Variants in DCX observed in about 807,000 individuals in gnomAD.
The protein encoded by DCX is neuronal migration protein doublecortin.
In DCX, 4 loss-of-function variants were observed where a neutral mutation model predicts 20.9. The observed-to-expected ratio is 0.19, with a 90% CI of 0.09 to 0.44. The LOEUF (loss-of-function observed/expected upper bound fraction) is 0.44. DCX is among the 20% of genes least tolerant of loss of function. DCX has a pLI of 0.99. For synonymous variants in DCX, 103 were observed against 111.4 expected (o/e 0.92, Z 0.47); for missense variants, 133 against 296.9 (o/e 0.45, Z 4.06).
intron 1 of DCX, chrX:111,410,873 C>T: frequency 8.3e-7 from 1 of 1,211,167 alleles, no homozygotes; most frequent in Non-Finnish European, 1.1e-6. Flanking sequence ...GACAAAATTC[C>T]CCTTGAAGAG....
intron 3 of DCX, among the ~76,000 whole-genome samples, chrX:111,385,176 T>C (rs1926291059): frequency 8.9e-6 from 1 of 112,424 alleles, no homozygotes; most frequent in South Asian, 3.7e-4. Context: ...GCCAATTTCA[T>C]AAAATAAATC....
At chrX:111,389,921 T>G (rs757974502) in intron 3 of DCX, among the ~76,000 whole-genome samples, 1 of 111,539 alleles carries the variant, frequency 9.0e-6, no homozygotes, top group South Asian at 3.8e-4. Context: ...TAATTATGAG[T>G]TGCCATTCCC....
intron 3 of DCX, among the ~76,000 whole-genome samples, chrX:111,363,921 C>T (rs550432161): frequency 3.6e-5 from 4 of 111,789 alleles, no homozygotes; most frequent in Admixed American, 9.5e-5. Flanking sequence ...CAGGTTCACA[C>T]GCTGCCTTTC....
chrX:111,393,679 AACAG>A, intron 3 of DCX, among the ~76,000 whole-genome samples: 1 of 111,727 alleles, frequency 9.0e-6, no homozygotes, highest in Non-Finnish European at 1.9e-5. Flanking sequence ...AAATGATCTG[AACAG>A]ACATTTTTCC....
intron 5 of DCX, among the ~76,000 whole-genome samples, chrX:111,328,501 G>A (rs897584759): frequency 1.8e-5 from 2 of 111,682 alleles, no homozygotes; most frequent in Non-Finnish European, 1.9e-5. Context: ...AGTCTGCAAA[G>A]AGGATCTATT....
chrX:111,385,862 T>C (rs1427431487), intron 3 of DCX, among the ~76,000 whole-genome samples: 1 of 108,689 alleles, frequency 9.2e-6, no homozygotes, highest in Non-Finnish European at 1.9e-5. Flanking sequence ...AGGTTCTCCT[T>C]TGTATTCCAA....
intron 6 of DCX, among the ~76,000 whole-genome samples, 167 bp from the exon 7 acceptor site, chrX:111,301,910 C>T (rs2095035125): frequency 9.0e-6 from 1 of 110,756 alleles, no homozygotes; most frequent in South Asian, 3.9e-4. Context: ...TACCAATGTA[C>T]CCTTCATTCA....
chrX:111,411,313 A>G (rs1340131384), intron 1 of DCX, among the ~76,000 whole-genome samples: 1 of 103,459 alleles, frequency 9.7e-6, no homozygotes, highest in Non-Finnish European at 2.0e-5. Flanking sequence ...TTGTTGAAAG[A>G]TTCACAAATG....
chrX:111,397,301 T>C (rs1927396767), intron 3 of DCX, among the ~76,000 whole-genome samples: 1 of 111,637 alleles, frequency 9.0e-6, no homozygotes. Flanking sequence ...CCATAACAAA[T>C]AGTCTTGACC....
chrX:111,371,969 C>CAG (rs967677488), intron 3 of DCX, among the ~76,000 whole-genome samples: 2 of 102,124 alleles, frequency 2.0e-5, no homozygotes, highest in African/African-American at 6.9e-5. Context: ...CACACACACA[C>CAG]TTCCCTAGAA....
chrX:111,385,714 A>G (rs748049713), intron 3 of DCX, among the ~76,000 whole-genome samples: 8 of 42,465 alleles, frequency 1.9e-4, no homozygotes, highest in Non-Finnish European at 3.1e-4. Context: ...AGAAAGCAAG[A>G]AAGCAAGGAA....
intron 3 of DCX, among the ~76,000 whole-genome samples, chrX:111,397,076 A>G (rs1216622476): frequency 8.9e-6 from 1 of 111,887 alleles, no homozygotes; most frequent in Non-Finnish European, 1.9e-5. Flanking sequence ...GAAATGAGCC[A>G]TGTCTGCAGA....
intron 5 of DCX, among the ~76,000 whole-genome samples, chrX:111,316,091 A>AATAAATAAATAAATTT: frequency 1.0e-5 from 1 of 96,560 alleles, no homozygotes; most frequent in African/African-American, 4.5e-5. Context: ...AAAAATAAAA[A>AATAAATAAATAAATTT]AAAAAAAAAA....
chrX:111,309,432 G>A (rs184695388), intron 6 of DCX, among the ~76,000 whole-genome samples: 28 of 112,334 alleles, frequency 2.5e-4, no homozygotes, highest in African/African-American at 8.7e-4. Flanking sequence ...TGGTGCTAAG[G>A]TTCAGGTAGC....
At chrX:111,361,606 A>G (rs2147693002) in intron 3 of DCX, among the ~76,000 whole-genome samples, 1 of 112,420 alleles carries the variant, frequency 8.9e-6, no homozygotes, top group South Asian at 3.7e-4. Context: ...GTAAAAAGGG[A>G]AAAATAAACC....
At chrX:111,326,665 C>A (rs1442358198) in intron 5 of DCX, among the ~76,000 whole-genome samples, 1 of 111,627 alleles carries the variant, frequency 9.0e-6, no homozygotes, top group East Asian at 2.8e-4. Flanking sequence ...GAGCTCCTTA[C>A]AGAAATATTA....
chrX:111,320,370 T>A (rs1363719761), intron 5 of DCX, among the ~76,000 whole-genome samples: 2 of 111,878 alleles, frequency 1.8e-5, no homozygotes, highest in East Asian at 5.6e-4. Context: ...ACAAATAGGG[T>A]CTGATGAACT....
At chrX:111,388,296 GTTACC>G (rs755920438) in intron 3 of DCX, among the ~76,000 whole-genome samples, 1 of 111,676 alleles carries the variant, frequency 9.0e-6, no homozygotes, top group East Asian at 2.8e-4. Context: ...GTGAATAGGT[GTTACC>G]TTTGCAGTGA....
intron 3 of DCX, among the ~76,000 whole-genome samples, chrX:111,334,733 G>A (rs1332316365): frequency 8.9e-6 from 1 of 111,818 alleles, no homozygotes; most frequent in African/African-American, 3.3e-5. Flanking sequence ...TCAGTCACTG[G>A]GGAGACAAAG....
Sources: gnomAD v4.1 joint callset for allele counts (sites outside exome capture counted in the v4.1 genomes callset) on GRCh38, gnomAD v4.1.1 for gene constraint, MANE v1.5 for transcripts, NCBI Gene and HGNC (gene_info 2026-07-23, HGNC 2026-07-21) for gene names.